The following SLC31A2 variants were observed in gnomAD, a reference collection of about 807,000 sequenced individuals.
SLC31A2 encodes the protein protein SLC31A2.
A neutral mutation model predicts 14.4 loss-of-function variants in SLC31A2; 16 were observed. That is an observed-to-expected ratio of 1.11 (90% confidence interval 0.75 to 1.69). The LOEUF is 1.69. SLC31A2 is among the 40% of genes most tolerant of loss of function. The pLI is 0.00. For missense variants in SLC31A2, 140 were observed against 173.9 expected, an observed-to-expected ratio of 0.81 and a Z score of 1.10; for synonymous variants, 56 against 68.7, an observed-to-expected ratio of 0.82 and a Z score of 0.91.
Position 113,162,930 on chromosome 9 carries a change from G to T in SLC31A2, c.*13G>T. On this transcript the variant is annotated 3_prime_UTR_variant, in exon 4 of 4. Transcript: ENST00000259392. The stretch of plus-strand genomic sequence containing the variant: ...CAGCACAGCTTAGCTGGTGAGGAAC[G>T]TGCAGGCACTGAGGCTGGAGGGACA... The T allele has an allele frequency of 3.1e-6, 5 of 1,587,806 alleles. 1 individual carries two copies. The highest frequency in any genetic ancestry group is 2.3e-5 in the South Asian group (2 of 87,970).
intron 1 of SLC31A2, among the ~76,000 whole-genome samples, chr9:113,152,721 C>T (rs947017954): frequency 1.3e-5 from 2 of 152,218 alleles, no homozygotes; most frequent in Non-Finnish European, 2.9e-5. Flanking sequence ...ATCTCTGTAT[C>T]GCCAGGGTCT....
intron 1 of SLC31A2, among the ~76,000 whole-genome samples, chr9:113,156,383 T>G (rs9696981): frequency 0.66 from 100,014 of 152,024 alleles, 33,072 homozygotes; most frequent in South Asian, 0.74. Flanking sequence ...CTGAGTTTCA[T>G]CAGAGCTCAT....
intron 1 of SLC31A2, among the ~76,000 whole-genome samples, chr9:113,156,994 G>A (rs565056614): frequency 3.0e-4 from 45 of 152,274 alleles, no homozygotes; most frequent in African/African-American, 1.0e-3. Flanking sequence ...CTGTCACACA[G>A]AGGACTGTTG....
At chr9:113,155,035 TC>T (rs1829916601) in intron 1 of SLC31A2, among the ~76,000 whole-genome samples, 1 of 152,252 alleles carries the variant, frequency 6.6e-6, no homozygotes, top group South Asian at 2.1e-4. Context: ...CATATCAGTT[TC>T]TTCTGCTGTT....
chr9:113,162,639 A>T, intron 3 of SLC31A2, 110 bp from the exon 4 acceptor site: 2 of 1,009,730 alleles, frequency 2.0e-6, no homozygotes, highest in African/African-American at 1.6e-5. Flanking sequence ...TACAAGTTAT[A>T]AATCAATCGG....
rs1564138620 is a variant in SLC31A2 at position 113,161,489 on chromosome 9, A to C, written c.74-20A>C. The C allele has an allele frequency of 1.9e-6, 3 of 1,613,014 alleles. No homozygotes were observed. Among genetic ancestry groups the C allele is most frequent in the Non-Finnish European group, 2.5e-6 (3 of 1,179,534 alleles). On this transcript the variant is annotated intron_variant, in intron 2 of 3. Transcript: ENST00000259392. ...AGTGCTGGCCTGGCCAGGTCTCCAC[A>C]ACTCTGCCTCCTTTGACAGGCATGG...
At chr9:113,161,034 T>C (rs1407819266) in intron 2 of SLC31A2, 1 of 152,828 alleles carries the variant, frequency 6.5e-6, no homozygotes, top group African/African-American at 2.4e-5. Context: ...TTATTGGGTT[T>C]TTCCCCTATT....
intron 1 of SLC31A2, among the ~76,000 whole-genome samples, chr9:113,156,900 T>G (rs1403044034): frequency 2.0e-5 from 3 of 152,224 alleles, no homozygotes; most frequent in African/African-American, 7.2e-5. Flanking sequence ...TCTGCCAACT[T>G]ACTAGCTTTG....
chr9:113,163,052 A>G lies in SLC31A2; in HGVS notation c.*135A>G. On this transcript the variant is annotated 3_prime_UTR_variant, in exon 4 of 4. Coordinates refer to ENST00000259392, the MANE Select transcript of SLC31A2 (RefSeq NM_001860.3). ...CCAGCCCCTGGAAACTTTGAGCTGAAGCCAGCACTTGCTCCCTGGAGTTCG... is the reference window on the plus strand; with the variant it reads ...CCAGCCCCTGGAAACTTTGAGCTGAGGCCAGCACTTGCTCCCTGGAGTTCG... 1.2e-6 allele frequency: 1 copy of G among 840,778 alleles called. No homozygotes were observed. The allele number at this position is 840,778 out of a possible 1,614,324, so 52.1% of individuals were successfully genotyped here.
In SLC31A2 at chr9:113,151,107, G is replaced by C. The variant is rs778712051; in HGVS notation, c.6+27G>C. On this transcript the variant is annotated intron_variant, in intron 1 of 3. Transcript: ENST00000259392. The surrounding 1 kb of genome is among the most constrained non-coding windows in gnomAD (Gnocchi z 4.2). ...TAAGGGCCGGGCGCTACGGTGAAGA[G>C]GGTGGGCGGTTGGGGCGGGGTCTCC... 5 of 1,300,078 alleles carry C rather than the reference G, an allele frequency of 3.8e-6. No homozygotes were observed. The highest frequency in any genetic ancestry group is 2.2e-4 in the Middle Eastern group (1 of 4,584). 80.5% of individuals were successfully genotyped at this position (1,300,078 alleles called of 1,614,324 possible). A position where few individuals can be genotyped will look rare whatever the true frequency, so the allele number is the denominator to read the frequency against.
intron 1 of SLC31A2, among the ~76,000 whole-genome samples, chr9:113,154,565 G>A (rs1202736531): frequency 6.6e-6 from 1 of 152,208 alleles, no homozygotes; most frequent in Non-Finnish European, 1.5e-5. Context: ...GGCCTGAGGA[G>A]GCCCAGGAAT....
At chr9:113,154,772 C>G (rs1017639387) in intron 1 of SLC31A2, among the ~76,000 whole-genome samples, 1 of 152,244 alleles carries the variant, frequency 6.6e-6, no homozygotes, top group African/African-American at 2.4e-5. Context: ...CCCTCCCACC[C>G]TATCCTCTTT....
Position 113,161,654 on chromosome 9 carries a change from C to T in SLC31A2, c.219C>T (p.Asp73=), listed in dbSNP as rs1203355629. The change falls in exon 3 of 4, where the codon GAC becomes GAT. Residue 73 remains aspartate, a synonymous_variant. Transcript: ENST00000259392. ...AGACCATCGCAGAGACAGACGGGGA[C>T]TCTGCAGGCTCAGATTCATTCCCTG... ...SQQTIAETDG[D]SAGSDSFPVG... 1 of 1,614,060 alleles carries T rather than the reference C, an allele frequency of 6.2e-7. No individual in the cohort carries two copies. The highest frequency in any genetic ancestry group is 8.5e-7 in the Non-Finnish European group (1 of 1,179,908).
In SLC31A2 at chr9:113,161,711, G is replaced by T. The variant is rs983563732; in HGVS notation, c.263+13G>T. 5 of 1,613,542 alleles carry T rather than the reference G, an allele frequency of 3.1e-6. No homozygotes were observed. In the Admixed American group the frequency reaches 6.7e-5, roughly 22 times the overall value. ...GAACCCACCACAGGTACAGGCAGTG[G>T]GTATGGGAAAGGGGCAGAAGCCTCA... On this transcript the variant is annotated intron_variant, in intron 3 of 3. Coordinates refer to ENST00000259392, the MANE Select transcript of SLC31A2 (RefSeq NM_001860.3).
At chr9:113,157,172 A>G (rs560507367) in intron 1 of SLC31A2, among the ~76,000 whole-genome samples, 31 of 152,310 alleles carry the variant, frequency 2.0e-4, no homozygotes, top group African/African-American at 7.2e-4. Flanking sequence ...ACATTAACCT[A>G]CTTCCATAAT....
rs1209325451 is a variant in SLC31A2 at position 113,164,089 on chromosome 9, G to GGAATT, written c.*1173_*1177dup. ...GATGAAAAGATGGTTGTAAGCTTTG[G>GGAATT]GAATTAAAAACAAACAAATACATTT... is the stretch of plus-strand genomic sequence containing the variant. On this transcript the variant is annotated 3_prime_UTR_variant, in exon 4 of 4. Coordinates refer to ENST00000259392, the MANE Select transcript of SLC31A2 (RefSeq NM_001860.3). 1 of 137,534 alleles carries GGAATT rather than the reference G, an allele frequency of 7.3e-6. No homozygotes were observed. Among genetic ancestry groups the GGAATT allele is most frequent in the African/African-American group, 2.7e-5 (1 of 37,090 alleles). The allele number at this position is 137,534 out of a possible 1,614,324, so 8.5% of individuals were successfully genotyped here.
rs1046447247 is a variant in SLC31A2, at chr9:113,163,203, C to G, written c.*286C>G. 8.0e-6 allele frequency: 2 copies of G among 248,716 alleles called. No individual in the cohort carries two copies. Among genetic ancestry groups the G allele is most frequent in the Admixed American group, 5.5e-5 (1 of 18,348 alleles). The allele number at this position is 248,716 out of a possible 1,614,324, so 15.4% of individuals were successfully genotyped here. On this transcript the variant is annotated 3_prime_UTR_variant, in exon 4 of 4. Transcript: ENST00000259392. ...TAACAGGGGTGGCAGGGTTACTGAG[C>G]CCATGACAATGCTTCTCTGTGACTC...
intron 1 of SLC31A2, among the ~76,000 whole-genome samples, chr9:113,155,662 C>T (rs138647704): frequency 6.6e-6 from 1 of 152,296 alleles, no homozygotes; most frequent in African/African-American, 2.4e-5. Context: ...TGTCTAATTC[C>T]AGTCTCTCTC....
intron 1 of SLC31A2, among the ~76,000 whole-genome samples, chr9:113,154,728 C>T (rs765299639): frequency 1.3e-5 from 2 of 152,206 alleles, no homozygotes; most frequent in Non-Finnish European, 1.5e-5. Context: ...ATAACAGCAT[C>T]GTCATCCACA....
Sources: allele counts gnomAD v4.1 joint callset (sites outside exome capture counted in the v4.1 genomes callset), GRCh38; gene constraint gnomAD v4.1.1; non-coding constraint Gnocchi (gnomAD v3.1); transcripts MANE v1.5; gene names NCBI Gene and HGNC (gene_info 2026-07-23, HGNC 2026-07-21).